Variants in ANKS1B observed in about 807,000 individuals in gnomAD.
ANKS1B encodes the protein ankyrin repeat and sterile alpha motif domain containing 1B, also known as ankyrin repeat and sterile alpha motif domain-containing protein 1B.
In ANKS1B, 36 loss-of-function variants were observed where a neutral mutation model predicts 148.3. The observed-to-expected ratio is 0.24, with a 90% CI of 0.19 to 0.32. The LOEUF is 0.32. ANKS1B is among the 10% of genes least tolerant of loss of function. ANKS1B has a pLI of 1.00. For missense variants in ANKS1B, 1,157 were observed against 1,542.6 expected, an observed-to-expected ratio of 0.75 and a Z score of 4.19; for synonymous variants, 542 against 560.8, an observed-to-expected ratio of 0.97 and a Z score of 0.47.
At chr12:99,011,955 T>C (rs1455917712) in intron 17 of ANKS1B, among the ~76,000 whole-genome samples, 2 of 152,208 alleles carry the variant, frequency 1.3e-5, no homozygotes, top group Non-Finnish European at 2.9e-5. Context: ...GAAGGTGATT[T>C]GAAATCAAGG....
At chr12:99,146,955 C>A (rs898050032) in intron 15 of ANKS1B, among the ~76,000 whole-genome samples, 1 of 152,124 alleles carries the variant, frequency 6.6e-6, no homozygotes, top group East Asian at 1.9e-4. Context: ...AACATGCCCA[C>A]GCCCATTTAT....
intron 8 of ANKS1B, among the ~76,000 whole-genome samples, chr12:99,701,680 C>A (rs1320311596): frequency 6.6e-6 from 1 of 151,922 alleles, no homozygotes; most frequent in Non-Finnish European, 1.5e-5. Flanking sequence ...TTCCCCATCC[C>A]CGCCCCCAAC....
Position 98,757,798 on chromosome 12 carries a change from A to G in ANKS1B, c.3580-6276T>C, listed in dbSNP as rs61933564. On this transcript the variant is annotated intron_variant, in intron 25 of 26. Transcript: ENST00000683438. ...ACCTTGGCTCTTCCTGTCTCATATA[A>G]GCTCATTGGAAGATACTTGCTTTGG... Among the ~76,000 whole-genome samples, 1,352 of 152,296 alleles carry G rather than the reference A, an allele frequency of 8.9e-3. 6 individuals carry two copies. Among genetic ancestry groups the G allele is most frequent in the Non-Finnish European group, 0.014 (966 of 68,024 alleles).
chr12:99,481,992 C>G (rs935642727), intron 10 of ANKS1B, among the ~76,000 whole-genome samples: 1 of 151,894 alleles, frequency 6.6e-6, no homozygotes, highest in Non-Finnish European at 1.5e-5. Flanking sequence ...TGACTGTTTA[C>G]TCTGATAATT....
intron 25 of ANKS1B, among the ~76,000 whole-genome samples, chr12:98,760,609 T>G (rs1044394822): frequency 6.6e-6 from 1 of 152,242 alleles, no homozygotes; most frequent in Non-Finnish European, 1.5e-5. Flanking sequence ...CACCTCTATG[T>G]GCCAGGAAGC....
intron 12 of ANKS1B, among the ~76,000 whole-genome samples, chr12:99,289,140 A>G (rs139673195): frequency 3.9e-5 from 6 of 152,216 alleles, no homozygotes; most frequent in Non-Finnish European, 7.4e-5. Context: ...AGACAAAATA[A>G]GTTTCAAGAT....
intron 15 of ANKS1B, among the ~76,000 whole-genome samples, chr12:99,118,643 ATCT>A (rs1479523547): frequency 1.3e-5 from 2 of 152,200 alleles, no homozygotes; most frequent in South Asian, 2.1e-4. Flanking sequence ...ACTGCAGATA[ATCT>A]TCTATTCATA....
intron 15 of ANKS1B, among the ~76,000 whole-genome samples, chr12:99,127,352 A>T (rs547339003): frequency 6.6e-6 from 1 of 152,140 alleles, no homozygotes; most frequent in Non-Finnish European, 1.5e-5. Context: ...TTTTTTTTAA[A>T]GCCTGACAGG....
intron 15 of ANKS1B, among the ~76,000 whole-genome samples, chr12:99,133,835 T>C (rs774812968): frequency 1.3e-5 from 2 of 152,156 alleles, no homozygotes; most frequent in Non-Finnish European, 2.9e-5. Context: ...CGATGATAAC[T>C]AGCGCCTGAA....
intron 19 of ANKS1B, among the ~76,000 whole-genome samples, chr12:98,809,000 T>A (rs1210679411): frequency 2.6e-5 from 4 of 152,152 alleles, no homozygotes; most frequent in Non-Finnish European, 5.9e-5. Flanking sequence ...TATCCCTAGC[T>A]AAAAGTTTCC....
At chr12:98,740,549 C>G (rs900282928), downstream of ANKS1B, among the ~76,000 whole-genome samples, 1 of 152,152 alleles carries the variant, frequency 6.6e-6, no homozygotes, top group African/African-American at 2.4e-5. Context: ...ATCACCAATC[C>G]CTCTTACAGG....
intron 14 of ANKS1B, among the ~76,000 whole-genome samples, chr12:99,197,526 G>A (rs561131474): frequency 6.6e-6 from 1 of 152,142 alleles, no homozygotes; most frequent in Non-Finnish European, 1.5e-5. Flanking sequence ...ATGTGATTAA[G>A]ATTAAGGACT....
intron 25 of ANKS1B, among the ~76,000 whole-genome samples, chr12:98,767,472 C>T (rs1050585314): frequency 2.6e-5 from 4 of 152,186 alleles, no homozygotes; most frequent in African/African-American, 7.2e-5. Flanking sequence ...CTCCTGAGAC[C>T]GTCTCAGCCT....
intron 9 of ANKS1B, among the ~76,000 whole-genome samples, chr12:99,595,184 T>C (rs997748788): frequency 6.6e-6 from 1 of 151,910 alleles, no homozygotes; most frequent in East Asian, 1.9e-4. Flanking sequence ...GTAAGAACTT[T>C]ATAAATTTAA....
At chr12:99,725,480 AC>A (rs562024966) in intron 8 of ANKS1B, among the ~76,000 whole-genome samples, 52 of 152,350 alleles carry the variant, frequency 3.4e-4, no homozygotes, top group African/African-American at 1.2e-3. Context: ...TGCACCCAAT[AC>A]AGGAGCACCC....
At chr12:99,155,078 G>T in intron 14 of ANKS1B, 2 of 1,533,448 alleles carry the variant, frequency 1.3e-6, no homozygotes, top group South Asian at 1.2e-5. Flanking sequence ...TCTTCATACT[G>T]GTTATACGTT....
At chr12:98,980,522 A>G (rs1305496165) in intron 17 of ANKS1B, among the ~76,000 whole-genome samples, 1 of 152,112 alleles carries the variant, frequency 6.6e-6, no homozygotes, top group Non-Finnish European at 1.5e-5. Context: ...AGGTATTTTA[A>G]CATTCTTGTA....
intron 8 of ANKS1B, among the ~76,000 whole-genome samples, chr12:99,666,531 A>G (rs2153460860): frequency 6.6e-6 from 1 of 151,910 alleles, no homozygotes; most frequent in South Asian, 2.1e-4. Context: ...GTAGGGGTAA[A>G]TTTGTAGGGG....
chr12:99,442,581 A>G (rs1446061787), intron 11 of ANKS1B, among the ~76,000 whole-genome samples: 1 of 151,970 alleles, frequency 6.6e-6, no homozygotes, highest in Non-Finnish European at 1.5e-5. Flanking sequence ...TGTTATCTAT[A>G]AACACTGAAA....
Sources: gnomAD v4.1 joint callset for allele counts (sites outside exome capture counted in the v4.1 genomes callset) on GRCh38, gnomAD v4.1.1 for gene constraint, MANE v1.5 for transcripts, NCBI Gene and HGNC (gene_info 2026-07-23, HGNC 2026-07-21) for gene names.